The following KCNH6 variants were observed in gnomAD, a reference collection of about 807,000 sequenced individuals.
KCNH6 encodes potassium voltage-gated channel subfamily H member 6.
Under a neutral mutation model 83.4 loss-of-function variants are expected in KCNH6, and 81 were observed. The observed-to-expected ratio is 0.97, with a 90% CI of 0.81 to 1.17. The LOEUF (loss-of-function observed/expected upper bound fraction) is 1.17. KCNH6 is among the 50% of genes most tolerant of loss of function. The pLI is 0.00. For missense variants in KCNH6, 1,203 were observed against 1,290.5 expected (o/e 0.93, Z 1.04); for synonymous variants, 503 against 545.6 (o/e 0.92, Z 1.09).
Position 63,538,558 on chromosome 17 carries a change from C to T in KCNH6, c.1850C>T (p.Pro617Leu), listed in dbSNP as rs2032676148. ...AAGTTCAAGACCACCCACGCGCCGC[C>T]TGGGGACACGCTGGTGCACCTCGGC... ...AVKFKTTHAP[P>L]GDTLVHLGDV... Residue 617 changes from proline (P) to leucine (L), a missense_variant, in exon 8 of 13, where the codon CCT (proline) becomes CTT (leucine). Pro to Leu is a moderately conservative substitution (Grantham distance 98). Coordinates refer to ENST00000314672, the MANE Select transcript of KCNH6 (RefSeq NM_001278919.2). The surrounding 1 kb of genome is among the most constrained non-coding windows in gnomAD (Gnocchi z 4.0). The T allele has an allele frequency of 6.2e-7, 1 of 1,612,460 alleles. No homozygotes were observed. Among genetic ancestry groups the T allele is most frequent in the African/African-American group, 1.3e-5 (1 of 74,910 alleles).
In KCNH6 at chr17:63,538,247, G is replaced by A; in HGVS notation, c.1684G>A (p.Gly562Ser). The A allele has an allele frequency of 6.2e-7, 1 of 1,614,162 alleles. No homozygotes were observed. The highest frequency in any genetic ancestry group is 8.5e-7 in the Non-Finnish European group (1 of 1,180,014). ...YFQHAWSYTN[G>S]IDMNAVLKGF... is the part of the protein sequence containing the mutation. ...CCAGCACGCCTGGTCCTACACCAAT[G>A]GCATTGACATGAACGCGGTGAGCCC... Residue 562 changes from glycine to serine, a missense_variant, in exon 7 of 13, where the codon GGC becomes AGC. By Grantham distance (56) the Gly-to-Ser change is moderately conservative. Transcript: ENST00000314672. The surrounding 1 kb of genome is among the most constrained non-coding windows in gnomAD (Gnocchi z 4.0).
At chr17:63,545,481 G>C in intron 12 of KCNH6, 128 bp from the exon 13 acceptor site, 1 of 1,064,618 alleles carries the variant, frequency 9.4e-7, no homozygotes, top group Non-Finnish European at 1.3e-6. Flanking sequence ...TGCAGCTGGG[G>C]CCAGGGCAGC....
At chr17:63,545,350 G>A in intron 12 of KCNH6, 86 bp downstream of exon 12, 1 of 1,382,580 alleles carries the variant, frequency 7.2e-7, no homozygotes, top group Admixed American at 1.9e-5. Flanking sequence ...GCAGCATCAG[G>A]CCCAGAGCCT....
chr17:63,540,046 C>T (rs2032768734), intron 8 of KCNH6, among the ~76,000 whole-genome samples: 1 of 152,224 alleles, frequency 6.6e-6, no homozygotes, highest in Admixed American at 6.5e-5. Context: ...GCGCCCTACC[C>T]TGTGCCAGTC....
rs377004877 is a variant in KCNH6, at chr17:63,523,403, G to A, written c.-11G>A. On this transcript the variant is annotated 5_prime_UTR_variant, in exon 1 of 13. Coordinates refer to ENST00000314672, the MANE Select transcript of KCNH6 (RefSeq NM_001278919.2). The surrounding 1 kb of genome is among the most constrained non-coding windows in gnomAD (Gnocchi z 4.2). The stretch of plus-strand genomic sequence containing the variant: ...GCGCCTGTGGCTCCGGGCAGGGGCC[G>A]CGGCCGAAAGATGCCGGTCCGCAGG... 140 of 1,586,952 alleles carry A rather than the reference G, an allele frequency of 8.8e-5. No homozygotes were observed. Among genetic ancestry groups the A allele is most frequent in the Non-Finnish European group, 1.1e-4 (132 of 1,168,642 alleles).
chr17:63,530,532 A>AGGTCACCCAGGTGACCT lies in KCNH6; in HGVS notation c.675+3_675+4insACCTGGTCACCCAGGTG. Reference sequence around the variant, plus strand: ...GAGCGGACACAGAACGTCACTGAGAAGGTCACCCAGGTGCGGGCCTGCAGA... The same window carrying AGGTCACCCAGGTGACCT: ...GAGCGGACACAGAACGTCACTGAGAAGGTCACCCAGGTGACCTGGTCACCCAGGTGCGGGCCTGCAGA... On this transcript the variant is annotated frameshift_variant, in exon 4 of 13. Transcript: ENST00000314672. LOFTEE classifies it high-confidence loss of function. 6.2e-7 allele frequency: 1 copy of AGGTCACCCAGGTGACCT among 1,614,004 alleles called. No individual in the cohort carries two copies. Among genetic ancestry groups the AGGTCACCCAGGTGACCT allele is most frequent in the Non-Finnish European group, 8.5e-7 (1 of 1,179,996 alleles).
At chr17:63,544,045 C>A in intron 10 of KCNH6, 1 of 1,597,280 alleles carries the variant, frequency 6.3e-7, no homozygotes, top group Non-Finnish European at 8.5e-7. Flanking sequence ...CAGTTCCCCT[C>A]TAAGGGCTAC....
Position 63,534,567 on chromosome 17 carries a change from C to CT in KCNH6, c.1101+256_1101+257insT, listed in dbSNP as rs1261768696. ...GCCCTGGTAAGAGGAGCAGGCTGCCCCTTCCAGGATGGGCACTCGTGTGGT... is the reference window on the plus strand; with the variant it reads ...GCCCTGGTAAGAGGAGCAGGCTGCCCTCTTCCAGGATGGGCACTCGTGTGGT... On this transcript the variant is annotated intron_variant, in intron 5 of 12. Coordinates refer to ENST00000314672, the MANE Select transcript of KCNH6 (RefSeq NM_001278919.2). This position sits in a 1 kb window ranked among gnomAD's most constrained non-coding sequence, Gnocchi z 5.0. Among the ~76,000 whole-genome samples, 9 of 152,042 alleles carry CT rather than the reference C, an allele frequency of 5.9e-5. No individual in the cohort carries two copies. Among genetic ancestry groups the CT allele is most frequent in the Non-Finnish European group, 8.8e-5 (6 of 67,976 alleles).
rs142378503 is a variant in KCNH6, at chr17:63,542,418, C to A, written c.2132C>A (p.Thr711Asn). 2 of 1,614,046 alleles carry A rather than the reference C, an allele frequency of 1.2e-6. No individual in the cohort carries two copies. Among genetic ancestry groups the A allele is most frequent in the South Asian group, 2.2e-5 (2 of 91,080 alleles). Residue 711 changes from threonine (T) to asparagine (N), a missense_variant, in exon 9 of 13, where the codon ACC becomes AAC. By Grantham distance (65) the Thr-to-Asn change is moderately conservative (BLOSUM62 0). Coordinates refer to ENST00000314672, the MANE Select transcript of KCNH6 (RefSeq NM_001278919.2). ...AESFWSKLEV[T>N]FNLRDAAGGL... ...AGCTTCTGGAGTAAGCTGGAGGTCA[C>A]CTTCAACCTGCGGGACGTGAGTCAG... is the stretch of plus-strand genomic sequence containing the variant.
chr17:63,530,679 G>T (rs2032046605), intron 4 of KCNH6, 137 bp downstream of exon 4: 1 of 750,676 alleles, frequency 1.3e-6, no homozygotes, highest in Middle Eastern at 3.7e-4. Context: ...TCTGGTTTGA[G>T]CCCCGGGCCT....
At chr17:63,532,808 T>C (rs940056451) in intron 4 of KCNH6, among the ~76,000 whole-genome samples, 1 of 152,138 alleles carries the variant, frequency 6.6e-6, no homozygotes, top group Non-Finnish European at 1.5e-5. Flanking sequence ...GCTCCATCCT[T>C]GTCTGGAGCA....
At position 63,523,381 on chromosome 17, in the gene KCNH6, C is replaced by G. The variant is rs762874932; in HGVS notation, c.-33C>G. On this transcript the variant is annotated 5_prime_UTR_variant, in exon 1 of 13. Transcript: ENST00000314672. The surrounding 1 kb of genome is among the most constrained non-coding windows in gnomAD (Gnocchi z 4.2). Reference sequence around the variant, plus strand: ...ACGGAGACGCCGGGAGCCAGTGGCGCCTGTGGCTCCGGGCAGGGGCCGCGG... The same window carrying G: ...ACGGAGACGCCGGGAGCCAGTGGCGGCTGTGGCTCCGGGCAGGGGCCGCGG... 2 of 1,566,780 alleles carry G rather than the reference C, an allele frequency of 1.3e-6. No homozygotes were observed. The highest frequency in any genetic ancestry group is 2.8e-5 in the African/African-American group (2 of 71,394).
chr17:63,543,576 G>A lies in KCNH6; in HGVS notation c.2149G>A (p.Ala717Thr). 6.2e-7 allele frequency: 1 copy of A among 1,608,718 alleles called. No homozygotes were observed. The highest frequency in any genetic ancestry group is 8.5e-7 in the Non-Finnish European group (1 of 1,175,574). The part of the protein sequence containing the change: ...KLEVTFNLRD[A>T]AGGLHSSPRQ... Reference sequence around the variant, plus strand: ...ATTTCACCCTCTTGCTTCCCATAAGGCAGCCGGGGGTCTCCACTCATCCCC... The same window carrying A: ...ATTTCACCCTCTTGCTTCCCATAAGACAGCCGGGGGTCTCCACTCATCCCC... Residue 717 changes from alanine (A) to threonine (T), a missense_variant and splice_region_variant, in exon 10 of 13, where the codon GCA becomes ACA. Coordinates refer to ENST00000314672, the MANE Select transcript of KCNH6 (RefSeq NM_001278919.2).
chr17:63,538,274 G>A lies in KCNH6; in HGVS notation c.1701+10G>A. 6.2e-7 allele frequency: 1 copy of A among 1,610,470 alleles called. No homozygotes were observed. The highest frequency in any genetic ancestry group is 1.4e-5 in the African/African-American group (1 of 73,352). ...CATTGACATGAACGCGGTGAGCCCC[G>A]CCGCTCCGGCTAATGCCCCGGGCGT... On this transcript the variant is annotated intron_variant, in intron 7 of 12. Transcript: ENST00000314672. This position sits in a 1 kb window ranked among gnomAD's most constrained non-coding sequence, Gnocchi z 4.0.
At chr17:63,548,183 G>A (rs991277403), downstream of KCNH6, among the ~76,000 whole-genome samples, 14 of 151,986 alleles carry the variant, frequency 9.2e-5, no homozygotes, top group African/African-American at 2.4e-4. Context: ...GGAGAATGGC[G>A]TGAACCCAGG....
chr17:63,527,375 A>G (rs12941370), intron 2 of KCNH6, among the ~76,000 whole-genome samples: 52,090 of 152,066 alleles, frequency 0.34, 9,662 homozygotes, highest in Middle Eastern at 0.48. Flanking sequence ...ACAGTGCTGG[A>G]TGGGGTGTGC....
chr17:63,542,248 T>G lies in KCNH6; in HGVS notation c.1962T>G (p.Asn654Lys), dbSNP rs775977338. ...CACCCCTCTGGCTGGCAGGAAAGAA[T>G]GACATCTTTGGGGAACCCGTCAGCC... Reference protein sequence around the residue: ...DDVVVAILGKNDIFGEPVSLH... With the variant: ...DDVVVAILGKKDIFGEPVSLH... The change falls in exon 9 of 13, where the codon AAT becomes AAG. Residue 654 changes from asparagine (N) to lysine (K), a missense_variant. Coordinates refer to ENST00000314672, the MANE Select transcript of KCNH6 (RefSeq NM_001278919.2). 3.7e-6 allele frequency: 6 copies of G among 1,613,650 alleles called. 1 individual carries two copies. The highest frequency in any genetic ancestry group is 4.5e-5 in the East Asian group (2 of 44,866).
rs1326892192 is a variant in KCNH6 at position 63,542,447 on chromosome 17, C to G, written c.2148+13C>G. 6.2e-7 allele frequency: 1 copy of G among 1,611,686 alleles called. No homozygotes were observed. The highest frequency in any genetic ancestry group is 1.1e-5 in the South Asian group (1 of 91,014). On this transcript the variant is annotated intron_variant, in intron 9 of 12. Coordinates refer to ENST00000314672, the MANE Select transcript of KCNH6 (RefSeq NM_001278919.2). The stretch of plus-strand genomic sequence containing the variant: ...CAACCTGCGGGACGTGAGTCAGGGC[C>G]AGGTGGGCCAGGGTGGGTGGAAATG...
At chr17:63,532,186 C>T (rs944045119) in intron 4 of KCNH6, among the ~76,000 whole-genome samples, 1 of 152,168 alleles carries the variant, frequency 6.6e-6, no homozygotes, top group Non-Finnish European at 1.5e-5. Flanking sequence ...CTTTAAACCA[C>T]CCCCCACCAT....
Sources: gnomAD v4.1 joint callset for allele counts (sites outside exome capture counted in the v4.1 genomes callset) on GRCh38, gnomAD v4.1.1 for gene constraint, Gnocchi (gnomAD v3.1) non-coding constraint, MANE v1.5 for transcripts, NCBI Gene and HGNC (gene_info 2026-07-23, HGNC 2026-07-21) for gene names.